The following KCNMA1 variants were observed in gnomAD, a reference collection of about 807,000 sequenced individuals.
KCNMA1 encodes Calcium-activated potassium channel subunit alpha-1.
KCNMA1 carries 29 observed loss-of-function variants against 140.0 expected under a neutral mutation model. The observed-to-expected ratio is 0.21, with a 90% confidence interval of 0.15 to 0.28. The LOEUF is 0.28. Ranked by LOEUF, KCNMA1 falls within the 10% of genes least tolerant of loss-of-function variation. The pLI, the probability that KCNMA1 is intolerant of heterozygous loss-of-function variation, is 1.00. For missense variants in KCNMA1, 880 were observed against 1,602.2 expected (o/e 0.55, Z 7.70); for synonymous variants, 612 against 611.9 (o/e 1.00, Z 0.00).
chr10:77,359,517 G>A (rs182060696), intron 2 of KCNMA1, among the ~76,000 whole-genome samples: 2 of 152,298 alleles, frequency 1.3e-5, no homozygotes, highest in African/African-American at 2.4e-5. Flanking sequence ...AGACAGCAGC[G>A]TAGGAGTCCA....
chr10:77,068,891 ACACACACAC>A (rs2096070105), intron 14 of KCNMA1, among the ~76,000 whole-genome samples: 1 of 96,986 alleles, frequency 1.0e-5, no homozygotes. Context: ...ACACACACAC[ACACACACAC>A]AATTTGTCAT....
At chr10:77,032,709 C>T (rs114785368) in intron 15 of KCNMA1, among the ~76,000 whole-genome samples, 249 of 150,768 alleles carry the variant, frequency 1.7e-3, no homozygotes, top group African/African-American at 5.9e-3. Flanking sequence ...AATTTGACAA[C>T]GACATTATAC....
intron 1 of KCNMA1, among the ~76,000 whole-genome samples, chr10:77,454,774 G>A (rs2097728953): frequency 6.6e-6 from 1 of 152,068 alleles, no homozygotes; most frequent in Non-Finnish European, 1.5e-5. Context: ...CATCACTCTT[G>A]GGCTATATTC....
intron 5 of KCNMA1, among the ~76,000 whole-genome samples, chr10:77,131,772 C>T (rs1278608965): frequency 2.0e-5 from 3 of 151,864 alleles, no homozygotes; most frequent in East Asian, 3.9e-4. Flanking sequence ...CGAGACCAGC[C>T]TGGCCAATAT....
intron 1 of KCNMA1, among the ~76,000 whole-genome samples, chr10:77,509,275 T>G (rs973283657): frequency 5.9e-5 from 9 of 152,108 alleles, no homozygotes; most frequent in African/African-American, 7.2e-5. Flanking sequence ...CACACCACCA[T>G]GCCTGGCTAA....
intron 14 of KCNMA1, among the ~76,000 whole-genome samples, chr10:77,047,062 A>G (rs1163231328): frequency 6.6e-6 from 1 of 152,196 alleles, no homozygotes; most frequent in Non-Finnish European, 1.5e-5. Context: ...CTCCATAACA[A>G]TTTGGCATTC....
At chr10:77,073,397 T>C in intron 13 of KCNMA1, 145 bp from the exon 14 acceptor site, 7 of 819,796 alleles carry the variant, frequency 8.5e-6, no homozygotes, top group Non-Finnish European at 1.2e-5. Context: ...TGATGTTTGC[T>C]GTTTTATGCA....
intron 15 of KCNMA1, among the ~76,000 whole-genome samples, chr10:77,028,832 G>A (rs1399817986): frequency 1.3e-5 from 2 of 152,010 alleles, no homozygotes; most frequent in East Asian, 1.9e-4. Context: ...CAAACAAATG[G>A]TTTCCACTTA....
intron 1 of KCNMA1, among the ~76,000 whole-genome samples, chr10:77,548,232 C>T (rs947752039): frequency 3.2e-4 from 48 of 152,152 alleles, no homozygotes; most frequent in African/African-American, 1.1e-3. Flanking sequence ...GACAGACATC[C>T]TATTTACAGA....
chr10:77,071,629 T>A (rs1238208797), intron 14 of KCNMA1: 2 of 152,176 alleles, frequency 1.3e-5, no homozygotes, highest in African/African-American at 4.8e-5. Flanking sequence ...GAGAGCAGCC[T>A]GGATTAAAGA....
chr10:77,012,492 A>T, intron 17 of KCNMA1: 1 of 1,550,388 alleles, frequency 6.4e-7, no homozygotes, highest in Non-Finnish European at 8.7e-7. Flanking sequence ...TCAAATAAAA[A>T]TATCAAGCTT....
intron 2 of KCNMA1, among the ~76,000 whole-genome samples, chr10:77,351,354 A>G (rs902573459): frequency 1.3e-5 from 2 of 152,214 alleles, no homozygotes; most frequent in Non-Finnish European, 2.9e-5. Flanking sequence ...TGGAAACCAG[A>G]ATTTCTGATT....
chr10:77,616,881 A>C (rs2089745740), intron 1 of KCNMA1, among the ~76,000 whole-genome samples: 1 of 152,074 alleles, frequency 6.6e-6, no homozygotes, highest in Non-Finnish European at 1.5e-5. Context: ...CCCACTTTCC[A>C]AGTGAGTGAA....
At chr10:77,084,056 C>T (rs960333946) in intron 12 of KCNMA1, among the ~76,000 whole-genome samples, 2 of 152,040 alleles carry the variant, frequency 1.3e-5, no homozygotes, top group African/African-American at 4.8e-5. Context: ...ATCAATATGC[C>T]GTAGACACAC....
chr10:77,531,321 C>T (rs537976241), intron 1 of KCNMA1, among the ~76,000 whole-genome samples: 2 of 152,270 alleles, frequency 1.3e-5, no homozygotes, highest in Non-Finnish European at 1.5e-5. Flanking sequence ...AGATTTTCCA[C>T]GATAATCTGA....
At chr10:77,414,985 T>C (rs184166534) in intron 1 of KCNMA1, among the ~76,000 whole-genome samples, 19 of 152,290 alleles carry the variant, frequency 1.2e-4, no homozygotes, top group African/African-American at 4.3e-4. Context: ...AAAATTCTGT[T>C]TACTACTACT....
intron 2 of KCNMA1, among the ~76,000 whole-genome samples, chr10:77,385,684 G>A (rs904836720): frequency 3.9e-5 from 6 of 152,222 alleles, no homozygotes; most frequent in African/African-American, 1.4e-4. Flanking sequence ...AGATGAGGTA[G>A]GATTTGAACA....
chr10:76,970,284 TA>T, intron 19 of KCNMA1: 1 of 539,932 alleles, frequency 1.9e-6, no homozygotes, highest in Non-Finnish European at 3.4e-6. Context: ...CCTTTGAACA[TA>T]CACTTTAAAC....
intron 1 of KCNMA1, among the ~76,000 whole-genome samples, chr10:77,412,452 C>T (rs556646964): frequency 2.6e-5 from 4 of 152,342 alleles, no homozygotes; most frequent in East Asian, 3.9e-4. Context: ...GGGCACAATG[C>T]AGAAGGGCTC....
Sources: gnomAD v4.1 joint callset for allele counts (sites outside exome capture counted in the v4.1 genomes callset) on GRCh38, gnomAD v4.1.1 for gene constraint, MANE v1.5 for transcripts, NCBI Gene and HGNC (gene_info 2026-07-23, HGNC 2026-07-21) for gene names.